The following OTUD7A variants were observed in gnomAD, a reference collection of about 807,000 sequenced individuals.
OTUD7A encodes OTU domain-containing protein 7A.
A neutral mutation model predicts 65.7 loss-of-function variants in OTUD7A; 12 were observed. That is an observed-to-expected ratio of 0.18 (90% confidence interval 0.12 to 0.30). The LOEUF (loss-of-function observed/expected upper bound fraction) is 0.30. Ranked by LOEUF, OTUD7A falls within the 10% of genes least tolerant of loss-of-function variation. The pLI, the probability that OTUD7A is intolerant of heterozygous loss-of-function variation, is 1.00. For synonymous variants in OTUD7A, 641 were observed against 586.3 expected, an observed-to-expected ratio of 1.09 and a Z score of -1.35; for missense variants, 1,148 against 1,304.8, an observed-to-expected ratio of 0.88 and a Z score of 1.85.
rs751323009 is a variant in OTUD7A at position 31,487,311 on chromosome 15, C to G, written c.1287-33G>C. On this transcript the variant is annotated intron_variant, in intron 11 of 12. Transcript: ENST00000307050. This position sits in a 1 kb window ranked among gnomAD's most constrained non-coding sequence, Gnocchi z 6.0. The stretch of plus-strand genomic sequence containing the variant: ...GAGAAGAATATCCTATTGAAATGGT[C>G]TGAGCTGGCCCTTATAGCACCCAGT... 1.1e-5 allele frequency: 17 copies of G among 1,610,192 alleles called. No individual in the cohort carries two copies. The South Asian group carries it at 1.5e-4, about 15-fold the overall frequency.
chr15:31,619,776 C>T (rs577114655), intron 3 of OTUD7A, among the ~76,000 whole-genome samples: 4 of 152,260 alleles, frequency 2.6e-5, no homozygotes, highest in Non-Finnish European at 4.4e-5. Flanking sequence ...TCCTGCCTGA[C>T]TGCCCTGGCC....
chr15:31,764,109 T>A (rs954985558), intron 1 of OTUD7A, among the ~76,000 whole-genome samples: 1 of 152,200 alleles, frequency 6.6e-6, no homozygotes, highest in Non-Finnish European at 1.5e-5. Flanking sequence ...GGTACATATA[T>A]GGATAATATA....
intron 1 of OTUD7A, among the ~76,000 whole-genome samples, chr15:31,735,117 A>G (rs774150366): frequency 5.9e-5 from 9 of 152,242 alleles, no homozygotes; most frequent in Non-Finnish European, 1.2e-4. Flanking sequence ...GAAGACATAC[A>G]TGTAGTCAAC....
chr15:31,608,879 T>C (rs1297984719), intron 3 of OTUD7A, among the ~76,000 whole-genome samples: 3 of 152,194 alleles, frequency 2.0e-5, no homozygotes, highest in Non-Finnish European at 4.4e-5. Context: ...AGAAGCAGAC[T>C]GCTCCTGCAG....
At chr15:31,802,089 ATGTGTGTGTATATATG>A (rs1441171904) in intron 1 of OTUD7A, among the ~76,000 whole-genome samples, 43 of 122,024 alleles carry the variant, frequency 3.5e-4, no homozygotes, top group African/African-American at 1.2e-3. Flanking sequence ...TGGAATATAT[ATGTGTGTGTATATATG>A]TGTGTGTGTG....
At chr15:31,753,733 A>AT (rs1279668809) in intron 1 of OTUD7A, among the ~76,000 whole-genome samples, 2 of 120,016 alleles carry the variant, frequency 1.7e-5, no homozygotes, top group Non-Finnish European at 3.4e-5. Context: ...ATATATATAT[A>AT]TATATATCTC....
intron 3 of OTUD7A, among the ~76,000 whole-genome samples, chr15:31,610,617 A>ATATATATATTTTTTTTTTTTTTTTTTTT: frequency 3.3e-5 from 1 of 30,560 alleles, no homozygotes; most frequent in Non-Finnish European, 4.9e-5. Context: ...ATATATATAT[A>ATATATATATTTTTTTTTTTTTTTTTTTT]TTTTTTTTTT....
At position 31,492,038 on chromosome 15, in the gene OTUD7A, T is replaced by C. The variant is rs183476109; in HGVS notation, c.1172-4472A>G. Among the ~76,000 whole-genome samples, 479 of 152,324 alleles carry C rather than the reference T, an allele frequency of 3.1e-3. 6 individuals carry two copies. The highest frequency in any genetic ancestry group is 0.011 in the African/African-American group (449 of 41,572). On this transcript the variant is annotated intron_variant, in intron 10 of 12. Transcript: ENST00000307050. The stretch of plus-strand genomic sequence containing the variant: ...CAAGAAATATGGTACCAGTAGAAAC[T>C]TGTATTTACACAATTAAGAGTGATG...
chr15:31,810,606 G>A (rs1170994675), intron 1 of OTUD7A, among the ~76,000 whole-genome samples: 1 of 152,172 alleles, frequency 6.6e-6, no homozygotes, highest in East Asian at 1.9e-4. Context: ...GGATTTTCGG[G>A]CTCCAGAATT....
chr15:31,555,268 T>A (rs1024233609), intron 5 of OTUD7A, among the ~76,000 whole-genome samples: 1 of 152,186 alleles, frequency 6.6e-6, no homozygotes, highest in Non-Finnish European at 1.5e-5. Flanking sequence ...CAAAGTCTTA[T>A]GACAGAAATA....
intron 3 of OTUD7A, among the ~76,000 whole-genome samples, chr15:31,574,907 G>A (rs1889158570): frequency 6.6e-6 from 1 of 152,218 alleles, no homozygotes; most frequent in Admixed American, 6.5e-5. Context: ...ACTCAGGACA[G>A]CCCCTCCACT....
At chr15:31,740,489 GC>G (rs929416001) in intron 1 of OTUD7A, among the ~76,000 whole-genome samples, 2 of 152,120 alleles carry the variant, frequency 1.3e-5, no homozygotes, top group African/African-American at 4.8e-5. Context: ...GAGTCAGGAG[GC>G]CACTGCCTTC....
At chr15:31,598,342 C>A (rs1336916886) in intron 3 of OTUD7A, among the ~76,000 whole-genome samples, 1 of 152,132 alleles carries the variant, frequency 6.6e-6, no homozygotes, top group Non-Finnish European at 1.5e-5. Context: ...TGGGTGCAGC[C>A]CACAGAGGGC....
At chr15:31,744,225 G>T (rs1566999087) in intron 1 of OTUD7A, among the ~76,000 whole-genome samples, 1 of 152,074 alleles carries the variant, frequency 6.6e-6, no homozygotes, top group Non-Finnish European at 1.5e-5. Flanking sequence ...ACAACTTTAA[G>T]AAGATAAGAG....
At chr15:31,568,473 A>C (rs1888946590) in intron 4 of OTUD7A, among the ~76,000 whole-genome samples, 1 of 152,296 alleles carries the variant, frequency 6.6e-6, no homozygotes, top group South Asian at 2.1e-4. Context: ...GGTGGAAGGG[A>C]CTTGCCTTGA....
At chr15:31,639,986 T>C (rs556151621) in intron 3 of OTUD7A, among the ~76,000 whole-genome samples, 2 of 152,240 alleles carry the variant, frequency 1.3e-5, no homozygotes, top group Admixed American at 6.5e-5. Flanking sequence ...CTTAACACTA[T>C]CCTCAAAAAG....
intron 3 of OTUD7A, among the ~76,000 whole-genome samples, chr15:31,618,098 G>A (rs1344525420): frequency 6.6e-6 from 1 of 152,114 alleles, no homozygotes; most frequent in Non-Finnish European, 1.5e-5. Flanking sequence ...TCCCTACAAA[G>A]GACATGAACT....
intron 3 of OTUD7A, among the ~76,000 whole-genome samples, chr15:31,599,382 T>C (rs1188251157): frequency 6.6e-6 from 1 of 152,146 alleles, no homozygotes; most frequent in Admixed American, 6.5e-5. Context: ...GGAGTGGACC[T>C]CCAGCAAACT....
At chr15:31,639,776 G>A (rs1226459727) in intron 3 of OTUD7A, among the ~76,000 whole-genome samples, 1 of 152,154 alleles carries the variant, frequency 6.6e-6, no homozygotes, top group Non-Finnish European at 1.5e-5. Context: ...ATGATGTTGA[G>A]CATCTTTTCA....
Sources: allele counts gnomAD v4.1 joint callset (sites outside exome capture counted in the v4.1 genomes callset), GRCh38; gene constraint gnomAD v4.1.1; non-coding constraint Gnocchi (gnomAD v3.1); transcripts MANE v1.5; gene names NCBI Gene and HGNC (gene_info 2026-07-23, HGNC 2026-07-21).